BAG5: variants seen among roughly 807,000 people sequenced by gnomAD.
The protein encoded by BAG5 is BAG family molecular chaperone regulator 5.
Under a neutral mutation model 31.8 loss-of-function variants are expected in BAG5, and 25 were observed. The ratio of observed to expected loss-of-function variants is 0.79; its 90% CI spans 0.57 to 1.10. BAG5 has a LOEUF of 1.10. Among genes scored for constraint, BAG5 ranks in the 50% least tolerant of loss-of-function variants. The pLI is 0.00. For synonymous variants in BAG5, 208 were observed against 205.0 expected, an observed-to-expected ratio of 1.01 and a Z score of -0.13; for missense variants, 491 against 527.9, an observed-to-expected ratio of 0.93 and a Z score of 0.68.
chr14:103,561,215 A>AG, intron 1 of BAG5, 23 bp from the exon 2 acceptor site: 1 of 1,565,944 alleles, frequency 6.4e-7, no homozygotes, highest in Non-Finnish European at 8.6e-7. Context: ...AAGAATGATA[A>AG]CTTACTACAG....
chr14:103,559,726 A>C lies in BAG5; in HGVS notation c.*95T>G. 2 of 1,426,464 alleles carry C rather than the reference A, an allele frequency of 1.4e-6. No individual in the cohort carries two copies. 88.4% of individuals were successfully genotyped at this position (1,426,464 alleles called of 1,614,324 possible). A position where few individuals can be genotyped will look rare whatever the true frequency, so the allele number is the denominator to read the frequency against. ...GCTTCAATCATAAATACTGAGACTG[A>C]AATATGCACGTATAAATCAATGAAC... On this transcript the variant is annotated 3_prime_UTR_variant, in exon 2 of 2. Transcript: ENST00000299204.
intron 1 of BAG5, chr14:103,561,817 G>C: frequency 1.1e-6 from 1 of 899,134 alleles, no homozygotes; most frequent in Non-Finnish European, 1.8e-6. Context: ...TTGGGCTTTC[G>C]AGGCCCAACA....
At position 103,559,787 on chromosome 14, in the gene BAG5, G is replaced by A. The variant is rs770596839; in HGVS notation, c.*34C>T. On this transcript the variant is annotated 3_prime_UTR_variant, in exon 2 of 2. Coordinates refer to ENST00000299204, the MANE Select transcript of BAG5 (RefSeq NM_001015048.3). ...CTATACATAGAAGCACATATGAAGT[G>A]CAAAACAGTATCAAAAGTGAGATCT... 2 of 1,598,270 alleles carry A rather than the reference G, an allele frequency of 1.3e-6. No individual in the cohort carries two copies. Among genetic ancestry groups the A allele is most frequent in the South Asian group, 1.1e-5 (1 of 90,374 alleles).
rs1300457589 is a variant in BAG5, at chr14:103,557,885, C to T, written c.*1936G>A. ...CCACATGCCTGTACTCCCAGCTACT[C>T]AGGTGGCTGAGGCAGGAGAATCGCT... On this transcript the variant is annotated 3_prime_UTR_variant, in exon 2 of 2. Coordinates refer to ENST00000299204, the MANE Select transcript of BAG5 (RefSeq NM_001015048.3). 2 of 152,242 alleles carry T rather than the reference C, an allele frequency of 1.3e-5. No individual in the cohort carries two copies. Among genetic ancestry groups the T allele is most frequent in the African/African-American group, 2.4e-5 (1 of 41,428 alleles). 9.4% of individuals were successfully genotyped at this position (152,242 alleles called of 1,614,324 possible).
chr14:103,557,672 G>C lies in BAG5; in HGVS notation c.*2149C>G, dbSNP rs923683164. 1 of 152,162 alleles carries C rather than the reference G, an allele frequency of 6.6e-6. No homozygotes were observed. The highest frequency in any genetic ancestry group is 2.4e-5 in the African/African-American group (1 of 41,432). The allele number at this position is 152,162 out of a possible 1,614,324, so 9.4% of individuals were successfully genotyped here. On this transcript the variant is annotated 3_prime_UTR_variant, in exon 2 of 2. Coordinates refer to ENST00000299204, the MANE Select transcript of BAG5 (RefSeq NM_001015048.3). The stretch of plus-strand genomic sequence containing the variant: ...TGAAGCGTAACCATGATTTCCCAGT[G>C]GTATAATTAAACAGAGCTCTAATTT...
chr14:103,559,676 A>C lies in BAG5; in HGVS notation c.*145T>G. The C allele has an allele frequency of 4.3e-6, 4 of 920,508 alleles. No individual in the cohort carries two copies. The highest frequency in any genetic ancestry group is 6.4e-6 in the Non-Finnish European group (4 of 622,164). The allele number at this position is 920,508 out of a possible 1,614,324, so 57.0% of individuals were successfully genotyped here. The stretch of plus-strand genomic sequence containing the variant: ...AATGATATTTGTCTTGCAACATCAA[A>C]AGCAGCAGATACTGAATAGAATTTG... On this transcript the variant is annotated 3_prime_UTR_variant, in exon 2 of 2. Coordinates refer to ENST00000299204, the MANE Select transcript of BAG5 (RefSeq NM_001015048.3).
chr14:103,556,822 C>T lies in BAG5; in HGVS notation c.*2999G>A, dbSNP rs1388294125. On this transcript the variant is annotated 3_prime_UTR_variant, in exon 2 of 2. Transcript: ENST00000299204. ...AAAAAAAAATAAAAAAACCCAAAAC[C>T]TTGCATGCACAAGCTAAGCTCAGAC... 1 of 152,068 alleles carries T rather than the reference C, an allele frequency of 6.6e-6. No homozygotes were observed. The highest frequency in any genetic ancestry group is 2.4e-5 in the African/African-American group (1 of 41,394). 9.4% of individuals were successfully genotyped at this position (152,068 alleles called of 1,614,324 possible). A position where few individuals can be genotyped will look rare whatever the true frequency, so the allele number is the denominator to read the frequency against.
In BAG5 at chr14:103,557,353, G is replaced by A. The variant is rs2076044506; in HGVS notation, c.*2468C>T. 1 of 152,194 alleles carries A rather than the reference G, an allele frequency of 6.6e-6. No homozygotes were observed. Among genetic ancestry groups the A allele is most frequent in the Admixed American group, 6.5e-5 (1 of 15,270 alleles). The allele number at this position is 152,194 out of a possible 1,614,324, so 9.4% of individuals were successfully genotyped here. ...TAGAATAATCCGGTACAAGGAACGA[G>A]AACAGATTGAAACCAGAAACAAAGC... On this transcript the variant is annotated 3_prime_UTR_variant, in exon 2 of 2. Coordinates refer to ENST00000299204, the MANE Select transcript of BAG5 (RefSeq NM_001015048.3).
Position 103,560,687 on chromosome 14 carries a change from G to C in BAG5, c.478C>G (p.Gln160Glu). Residue 160 changes from glutamine (Q) to glutamate (E), a missense_variant, in exon 2 of 2, where the codon CAA (glutamine) becomes GAA (glutamate). By Grantham distance (29) the Gln-to-Glu change is conservative. Coordinates refer to ENST00000299204, the MANE Select transcript of BAG5 (RefSeq NM_001015048.3). ...TTCATGCAGTCTTCGATTATCTCTT[G>C]CACCGCACAGATTTTGGTTAAAGTG... ...YHTLTKICAV[Q>E]EIIEDCMKKQ... 1 of 1,614,126 alleles carries C rather than the reference G, an allele frequency of 6.2e-7. No homozygotes were observed. Among genetic ancestry groups the C allele is most frequent in the South Asian group, 1.1e-5 (1 of 91,076 alleles).
At chr14:103,562,107 A>AAGTCTGAATTGG (rs1213766685) in intron 1 of BAG5, 1 of 816,768 alleles carries the variant, frequency 1.2e-6, no homozygotes, top group Non-Finnish European at 2.1e-6. Flanking sequence ...TACCCAAAAG[A>AAGTCTGAATTGG]AGTCTGAATT....
At chr14:103,561,869 C>A (rs369774002) in intron 1 of BAG5, 12 of 1,461,704 alleles carry the variant, frequency 8.2e-6, no homozygotes, top group Non-Finnish European at 7.6e-6. Flanking sequence ...CAAAAAAAAA[C>A]AACCCGCGAA....
At position 103,560,710 on chromosome 14, in the gene BAG5, G is replaced by A. The variant is rs368946901; in HGVS notation, c.455C>T (p.Thr152Ile). ...KISLRKARYH[T>I]LTKICAVQEI... ...TTGCACCGCACAGATTTTGGTTAAA[G>A]TGTGATACCTTGCTTTCCGCAAGGA... Residue 152 changes from threonine (T) to isoleucine (I), a missense_variant, in exon 2 of 2, where the codon ACT becomes ATT. Thr to Ile is a moderately conservative substitution (Grantham distance 89). Transcript: ENST00000299204. 42 of 1,614,030 alleles carry A rather than the reference G, an allele frequency of 2.6e-5. No homozygotes were observed. The highest frequency in any genetic ancestry group is 3.4e-5 in the Non-Finnish European group (40 of 1,180,046).
In BAG5 at chr14:103,558,047, G is replaced by A. The variant is rs560467581; in HGVS notation, c.*1774C>T. 6.6e-6 allele frequency: 1 copy of A among 152,192 alleles called. No individual in the cohort carries two copies. The highest frequency in any genetic ancestry group is 1.5e-5 in the Non-Finnish European group (1 of 68,040). 9.4% of individuals were successfully genotyped at this position (152,192 alleles called of 1,614,324 possible). On this transcript the variant is annotated 3_prime_UTR_variant, in exon 2 of 2. Coordinates refer to ENST00000299204, the MANE Select transcript of BAG5 (RefSeq NM_001015048.3). ...GATTTTAAGAGCATTCTAAAATTAT[G>A]ATACAGAAAAGCAATCCTACAACTA... is the stretch of plus-strand genomic sequence containing the variant.
At chr14:103,562,203 G>A (rs762402393) in intron 1 of BAG5, 32 of 592,826 alleles carry the variant, frequency 5.4e-5, no homozygotes, top group Non-Finnish European at 8.7e-5. Flanking sequence ...TGGGCCCCCA[G>A]CTGCATGCCT....
At position 103,560,089 on chromosome 14, in the gene BAG5, G is replaced by T. The variant is rs763379275; in HGVS notation, c.1076C>A (p.Ala359Asp). The change falls in exon 2 of 2, where the codon GCT (alanine) becomes GAT (aspartate). Residue 359 changes from alanine (A) to aspartate (D), a missense_variant. Ala to Asp is a moderately radical substitution (Grantham distance 126). Coordinates refer to ENST00000299204, the MANE Select transcript of BAG5 (RefSeq NM_001015048.3). The stretch of plus-strand genomic sequence containing the variant: ...TTTATGGGATGGGTGCTCCTCACAA[G>T]CAAACAGCTTTCTTTTCTCAAGGGC... ...KEALEKRKLF[A>D]CEEHPSHKAV... is the part of the protein sequence containing the mutation. The T allele has an allele frequency of 6.2e-7, 1 of 1,614,140 alleles. No individual in the cohort carries two copies. Among genetic ancestry groups the T allele is most frequent in the Non-Finnish European group, 8.5e-7 (1 of 1,180,034 alleles).
Position 103,560,451 on chromosome 14 carries a change from G to C in BAG5, c.714C>G (p.Ile238Met). 1 of 1,614,018 alleles carries C rather than the reference G, an allele frequency of 6.2e-7. No individual in the cohort carries two copies. The change falls in exon 2 of 2, where the codon ATC becomes ATG. Residue 238 changes from isoleucine to methionine, a missense_variant. Transcript: ENST00000299204. ...DALDVCGRTE[I>M]RNYRREVVED... is the part of the protein sequence containing the mutation. ...CTACTACCTCCCTCCGATAATTTCTGATTTCTGTCCGGCCGCACACATCTA... is the reference window on the plus strand; with the variant it reads ...CTACTACCTCCCTCCGATAATTTCTCATTTCTGTCCGGCCGCACACATCTA...
chr14:103,562,647 G>GCCGACGCTT lies in BAG5; in HGVS notation c.-69_-61dup, dbSNP rs1566974694. On this transcript the variant is annotated 5_prime_UTR_variant, in exon 1 of 2. Coordinates refer to ENST00000299204, the MANE Select transcript of BAG5 (RefSeq NM_001015048.3). ...CGCCCGCGCCATCGCGCGATGCGTC[G>GCCGACGCTT]CCGACGCTTCCACGACTTCCGCAGC... The GCCGACGCTT allele has an allele frequency of 4.9e-6, 1 of 206,054 alleles. No homozygotes were observed. Among genetic ancestry groups the GCCGACGCTT allele is most frequent in the Non-Finnish European group, 9.6e-6 (1 of 104,122 alleles). The allele number at this position is 206,054 out of a possible 1,614,324, so 12.8% of individuals were successfully genotyped here. A position where few individuals can be genotyped will look rare whatever the true frequency, so the allele number is the denominator to read the frequency against.
rs2076078034 is a variant in BAG5 at position 103,561,836 on chromosome 14, GCCCCCAACA to G, written c.-28-653_-28-645del. 1.6e-5 allele frequency: 18 copies of G among 1,103,686 alleles called. No individual in the cohort carries two copies. In the Middle Eastern group the frequency reaches 8.0e-4, roughly 49 times the overall value. 68.4% of individuals were successfully genotyped at this position (1,103,686 alleles called of 1,614,324 possible). A position where few individuals can be genotyped will look rare whatever the true frequency, so the allele number is the denominator to read the frequency against. On this transcript the variant is annotated intron_variant, in intron 1 of 1. Transcript: ENST00000299204. ...GCTTTCGAGGCCCAACACCTCCTCA[GCCCCCAACA>G]TGCTCCACTCTCTCAAAAAAAAACA...
In BAG5 at chr14:103,562,415, G is replaced by A. The variant is rs191141654; in HGVS notation, c.-29+201C>T. 4.3e-4 allele frequency: 106 copies of A among 244,492 alleles called. 1 individual carries two copies. The highest frequency in any genetic ancestry group is 2.4e-3 in the African/African-American group (100 of 42,278). 15.1% of individuals were successfully genotyped at this position (244,492 alleles called of 1,614,324 possible). A position where few individuals can be genotyped will look rare whatever the true frequency, so the allele number is the denominator to read the frequency against. On this transcript the variant is annotated intron_variant, in intron 1 of 1. Transcript: ENST00000299204. The stretch of plus-strand genomic sequence containing the variant: ...CCGAGGCCCGGCCGGAGACACCAGA[G>A]ACCAGGCCCGGCCAGCCCCGGTCGC...
Sources: allele counts gnomAD v4.1 joint callset, GRCh38; gene constraint gnomAD v4.1.1; transcripts MANE v1.5; gene names NCBI Gene and HGNC (gene_info 2026-07-23, HGNC 2026-07-21).